The following TEAD1 variants were observed in gnomAD, a reference collection of about 807,000 sequenced individuals.
TEAD1 encodes TEA domain transcription factor 1.
A neutral mutation model predicts 54.9 loss-of-function variants in TEAD1; 9 were observed. The ratio of observed to expected loss-of-function variants is 0.16; its 90% CI spans 0.10 to 0.29. TEAD1 has a LOEUF of 0.29. Among genes scored for constraint, TEAD1 ranks in the 10% least tolerant of loss-of-function variants. The pLI, the probability that TEAD1 is intolerant of heterozygous loss-of-function variation, is 1.00. For missense variants in TEAD1, 387 were observed against 535.9 expected, an observed-to-expected ratio of 0.72 and a Z score of 2.74; for synonymous variants, 200 against 187.8, an observed-to-expected ratio of 1.07 and a Z score of -0.53.
intron 3 of TEAD1, among the ~76,000 whole-genome samples, chr11:12,819,036 T>G (rs978254206): frequency 3.9e-5 from 6 of 152,184 alleles, no homozygotes; most frequent in Non-Finnish European, 5.9e-5. Flanking sequence ...GTCTGGGAGA[T>G]CTATAGGAAT....
chr11:12,756,540 T>G (rs1363555807), intron 2 of TEAD1, among the ~76,000 whole-genome samples: 1 of 152,228 alleles, frequency 6.6e-6, no homozygotes, highest in Non-Finnish European at 1.5e-5. Flanking sequence ...ATTATTAGTG[T>G]CTGACATTCC....
chr11:12,681,920 C>T (rs1036723069), intron 2 of TEAD1, among the ~76,000 whole-genome samples: 1 of 152,226 alleles, frequency 6.6e-6, no homozygotes, highest in Non-Finnish European at 1.5e-5. Flanking sequence ...CTTTCTGTTC[C>T]TGCTCCAGGA....
intron 2 of TEAD1, among the ~76,000 whole-genome samples, chr11:12,681,389 C>T (rs1322353808): frequency 3.9e-5 from 6 of 152,062 alleles, no homozygotes; most frequent in South Asian, 2.1e-4. Context: ...TTACCTTAGC[C>T]GTAAAATGCA....
At chr11:12,764,486 G>A in intron 3 of TEAD1, 52 bp downstream of exon 3, 1 of 1,585,224 alleles carries the variant, frequency 6.3e-7, no homozygotes, top group Non-Finnish European at 8.7e-7. Flanking sequence ...AGTTGTGGTA[G>A]GGGATAGATT....
intron 3 of TEAD1, among the ~76,000 whole-genome samples, chr11:12,769,067 T>A (rs1945264461): frequency 6.6e-6 from 1 of 152,114 alleles, no homozygotes. Context: ...GGCAGAGCTG[T>A]TGCTTCCAGA....
chr11:12,771,214 A>G lies in TEAD1; in HGVS notation c.202+6780A>G, dbSNP rs531589125. Among the ~76,000 whole-genome samples the G allele has an allele frequency of 4.1e-4, 63 of 152,330 alleles. 2 individuals are homozygous for G. The highest frequency in any genetic ancestry group is 1.4e-3 in the African/African-American group (60 of 41,574). The stretch of plus-strand genomic sequence containing the variant: ...CTCCTGGGGGAGGGGTACAGGAGCC[A>G]GCATTGTGTCGTTGCGGGTCCGAGT... On this transcript the variant is annotated intron_variant, in intron 3 of 12. Transcript: ENST00000527636.
intron 12 of TEAD1, among the ~76,000 whole-genome samples, chr11:12,936,855 G>T (rs1949110238): frequency 1.3e-5 from 2 of 152,148 alleles, no homozygotes; most frequent in African/African-American, 4.8e-5. Flanking sequence ...GCTAATTTTT[G>T]TGGTCCTTTC....
intron 3 of TEAD1, among the ~76,000 whole-genome samples, chr11:12,809,009 C>T (rs1334733969): frequency 6.6e-6 from 1 of 152,146 alleles, no homozygotes; most frequent in Non-Finnish European, 1.5e-5. Flanking sequence ...TCATCCTGAG[C>T]TTGTGTTAAG....
chr11:12,862,175 G>GT, intron 3 of TEAD1, 75 bp from the exon 4 acceptor site: 2 of 1,217,652 alleles, frequency 1.6e-6, no homozygotes, highest in South Asian at 1.3e-5. Flanking sequence ...TCTGAATTTT[G>GT]TTTTTTGCTT....
chr11:12,854,953 C>T (rs1034263102), intron 3 of TEAD1, among the ~76,000 whole-genome samples: 1 of 152,134 alleles, frequency 6.6e-6, no homozygotes, highest in Admixed American at 6.5e-5. Context: ...TCCATCCACA[C>T]ACAGTCCATG....
intron 2 of TEAD1, among the ~76,000 whole-genome samples, chr11:12,711,214 G>C (rs1204609550): frequency 2.0e-5 from 3 of 152,188 alleles, no homozygotes; most frequent in African/African-American, 4.8e-5. Flanking sequence ...GGCTCGGGAA[G>C]AGGTGATCAG....
chr11:12,715,563 G>A (rs1198071538), intron 2 of TEAD1, among the ~76,000 whole-genome samples: 1 of 152,122 alleles, frequency 6.6e-6, no homozygotes, highest in African/African-American at 2.4e-5. Context: ...TGTCTCTCTG[G>A]GGAGCTGCAC....
intron 9 of TEAD1, among the ~76,000 whole-genome samples, chr11:12,883,609 A>G (rs544835979): frequency 1.3e-5 from 2 of 152,286 alleles, no homozygotes; most frequent in South Asian, 4.1e-4. Flanking sequence ...TAGAGATTCA[A>G]GCTCGGGTCC....
intron 2 of TEAD1, among the ~76,000 whole-genome samples, chr11:12,695,836 G>A (rs1304213873): frequency 1.3e-5 from 2 of 152,174 alleles, no homozygotes; most frequent in East Asian, 3.8e-4. Flanking sequence ...TGTGTGTTGT[G>A]TGAGTTTCTA....
intron 5 of TEAD1, among the ~76,000 whole-genome samples, chr11:12,866,585 A>G (rs923549201): frequency 6.6e-6 from 1 of 152,246 alleles, no homozygotes; most frequent in Non-Finnish European, 1.5e-5. Context: ...AAAATTAACA[A>G]TAATAAAAAA....
intron 2 of TEAD1, among the ~76,000 whole-genome samples, chr11:12,686,821 C>A (rs1043089522): frequency 2.6e-5 from 4 of 152,200 alleles, no homozygotes; most frequent in African/African-American, 9.7e-5. Flanking sequence ...TGACACTGCT[C>A]AGTTCCTGGT....
chr11:12,751,896 G>C (rs896286136), intron 2 of TEAD1, among the ~76,000 whole-genome samples: 1 of 152,196 alleles, frequency 6.6e-6, no homozygotes, highest in Non-Finnish European at 1.5e-5. Context: ...GTGTGGCTCA[G>C]TGCACTTTGG....
chr11:12,857,964 T>A (rs2134061655), intron 3 of TEAD1, among the ~76,000 whole-genome samples: 1 of 152,240 alleles, frequency 6.6e-6, no homozygotes, highest in East Asian at 1.9e-4. Flanking sequence ...AGCAGGCCTG[T>A]AGTCCCATGA....
intron 3 of TEAD1, among the ~76,000 whole-genome samples, chr11:12,858,372 T>A (rs1368297402): frequency 3.3e-5 from 5 of 152,220 alleles, no homozygotes; most frequent in South Asian, 4.1e-4. Context: ...GTATATTTGA[T>A]ATTTCAAGTA....
Sources: gnomAD v4.1 joint callset for allele counts (sites outside exome capture counted in the v4.1 genomes callset) on GRCh38, gnomAD v4.1.1 for gene constraint, MANE v1.5 for transcripts, NCBI Gene and HGNC (gene_info 2026-07-23, HGNC 2026-07-21) for gene names.